PER2: variants seen among roughly 807,000 people sequenced by gnomAD.
PER2 encodes period circadian protein homolog 2.
In PER2, 66 loss-of-function variants were observed where a neutral mutation model predicts 121.0. The observed-to-expected ratio is 0.55, with a 90% confidence interval of 0.45 to 0.67. The LOEUF (loss-of-function observed/expected upper bound fraction) is 0.67. Among genes scored for constraint, PER2 ranks in the 30% least tolerant of loss-of-function variants. The pLI is 0.00. For synonymous variants in PER2, 684 were observed against 659.9 expected (o/e 1.04, Z -0.56); for missense variants, 1,521 against 1,635.0 (o/e 0.93, Z 1.20).
At chr2:238,278,479 G>C (rs1696528541) in intron 1 of PER2, among the ~76,000 whole-genome samples, 1 of 152,184 alleles carries the variant, frequency 6.6e-6, no homozygotes, top group Non-Finnish European at 1.5e-5. Flanking sequence ...GGTTGAATGA[G>C]GCAGCCTCAG....
At chr2:238,256,140 G>A (rs1463675613) in intron 17 of PER2, among the ~76,000 whole-genome samples, 1 of 152,220 alleles carries the variant, frequency 6.6e-6, no homozygotes, top group Non-Finnish European at 1.5e-5. Context: ...CAGGAACCTG[G>A]GGCTGAACAA....
intron 1 of PER2, among the ~76,000 whole-genome samples, chr2:238,281,384 T>A (rs900264517): frequency 2.0e-5 from 3 of 152,184 alleles, no homozygotes; most frequent in Admixed American, 2.0e-4. Flanking sequence ...TGATTGTGGG[T>A]TACATAGCTG....
rs765001703 is a variant in PER2, at chr2:238,256,980, C to A, written c.2007G>T (p.Gln669His). 1 of 1,614,046 alleles carries A rather than the reference C, an allele frequency of 6.2e-7. No individual in the cohort carries two copies. Among genetic ancestry groups the A allele is most frequent in the East Asian group, 2.2e-5 (1 of 44,888 alleles). ...GGACGATGGTGCTGCTGTAGCTGCA[C>A]TGGCTGGTGAGCGACGCCACACTCT... ...KAESVASLTS[Q>H]CSYSSTIVHV... Residue 669 changes from glutamine to histidine, a missense_variant, in exon 17 of 23, where the codon CAG (glutamine) becomes CAT (histidine). Transcript: ENST00000254657.
chr2:238,291,366 C>T (rs55976242), upstream of PER2, among the ~76,000 whole-genome samples: 16,700 of 152,330 alleles, frequency 0.11, 1,216 homozygotes, highest in Admixed American at 0.17. Context: ...ATGCCCTTGC[C>T]AGTCCACTCA....
chr2:238,267,850 G>A (rs1474771206), intron 8 of PER2, among the ~76,000 whole-genome samples: 6 of 152,202 alleles, frequency 3.9e-5, no homozygotes, highest in Non-Finnish European at 5.9e-5. Context: ...CCCAGATGCC[G>A]TGATCTGCCA....
At chr2:238,297,454 G>C in the PER2 span, among the ~76,000 whole-genome samples, 3 of 152,198 alleles carry the variant, frequency 2.0e-5, no homozygotes, top group African/African-American at 4.8e-5. Flanking sequence ...CAGAGAGTGA[G>C]TGAAGACACG....
At chr2:238,278,533 A>G (rs1275741517) in intron 1 of PER2, among the ~76,000 whole-genome samples, 1 of 152,240 alleles carries the variant, frequency 6.6e-6, no homozygotes, top group Non-Finnish European at 1.5e-5. Flanking sequence ...GGCAGACAAG[A>G]GCACTGATAA....
chr2:238,295,954 C>T, the PER2 span: 85 of 246,690 alleles, frequency 3.4e-4, no homozygotes, highest in South Asian at 6.3e-4. Flanking sequence ...AGGGGTGACA[C>T]GTGCTGCTGA....
At chr2:238,260,115 CA>C in intron 13 of PER2, 62 bp from the exon 14 acceptor site, 1 of 745,476 alleles carries the variant, frequency 1.3e-6, no homozygotes, top group Non-Finnish European at 2.4e-6. Flanking sequence ...GTCTGTCCGG[CA>C]AAGTGAGAAC....
chr2:238,277,693 G>A lies in PER2; in HGVS notation c.230+14C>T, dbSNP rs1341395540. The stretch of plus-strand genomic sequence containing the variant: ...AACCTGCCCAGCCTCCATCTGGCCA[G>A]AGGCTGAACTCACCTCTGGCGGGCA... On this transcript the variant is annotated intron_variant, in intron 2 of 22. Coordinates refer to ENST00000254657, the MANE Select transcript of PER2 (RefSeq NM_022817.3). 1 of 1,613,926 alleles carries A rather than the reference G, an allele frequency of 6.2e-7. No individual in the cohort carries two copies. The highest frequency in any genetic ancestry group is 8.5e-7 in the Non-Finnish European group (1 of 1,179,984).
the PER2 span, chr2:238,295,944 A>G: frequency 4.3e-6 from 1 of 233,146 alleles, no homozygotes; most frequent in South Asian, 4.2e-5. Flanking sequence ...TTGCATGATG[A>G]GGGGTGACAC....
Position 238,252,099 on chromosome 2 carries a change from A to C in PER2, c.3112-338T>G, listed in dbSNP as rs921587959. Among the ~76,000 whole-genome samples, 3 of 152,100 alleles carry C rather than the reference A, an allele frequency of 2.0e-5. No individual in the cohort carries two copies. Among genetic ancestry groups the C allele is most frequent in the Non-Finnish European group, 4.4e-5 (3 of 68,008 alleles). On this transcript the variant is annotated intron_variant, in intron 19 of 22. Transcript: ENST00000254657. This position sits in a 1 kb window ranked among gnomAD's most constrained non-coding sequence, Gnocchi z 4.2. ...ACATGCAGCAGACATGGATGGGGAA[A>C]ACGCCTCTCACAGCACCCGGTGTGG...
chr2:238,293,888 T>C (rs1175839973), upstream of PER2, among the ~76,000 whole-genome samples: 1 of 152,190 alleles, frequency 6.6e-6, no homozygotes, highest in African/African-American at 2.4e-5. Flanking sequence ...ACTCTCTGCC[T>C]CAGGAACTTG....
At chr2:238,257,117 G>C in intron 16 of PER2, 31 bp from the exon 17 acceptor site, 1 of 1,602,904 alleles carries the variant, frequency 6.2e-7, no homozygotes. Context: ...ACAAACATTA[G>C]TGTGTCATTA....
intron 18 of PER2, 149 bp downstream of exon 18, chr2:238,255,508 G>T: frequency 1.2e-6 from 1 of 829,406 alleles, no homozygotes; most frequent in Non-Finnish European, 2.1e-6. Flanking sequence ...TACAGAAACA[G>T]ATGGCGTTGC....
At position 238,258,400 on chromosome 2, in the gene PER2, C is replaced by A. The variant is rs751731098; in HGVS notation, c.1776G>T (p.Arg592Ser). Residue 592 changes from arginine to serine, a missense_variant and splice_region_variant, in exon 16 of 23, where the codon AGG (arginine) becomes AGT (serine). By Grantham distance (110) the Arg-to-Ser change is moderately radical. Transcript: ENST00000254657. The stretch of plus-strand genomic sequence containing the variant: ...CAGCCTCATTGCAGCTCTCCAAGTA[C>A]CTGTGTGAAAGGCATGAACCACTGG... ...QQISCLDSVI[R>S]YLESCNEAAT... The A allele has an allele frequency of 6.2e-6, 10 of 1,614,148 alleles. No homozygotes were observed. The highest frequency in any genetic ancestry group is 7.6e-6 in the Non-Finnish European group (9 of 1,180,032).
chr2:238,252,927 C>A lies in PER2; in HGVS notation c.3096G>T (p.Pro1032=). Residue 1032 remains proline (P), a synonymous_variant, in exon 19 of 23, where the codon CCG becomes CCT. Transcript: ENST00000254657. The surrounding 1 kb of genome is among the most constrained non-coding windows in gnomAD (Gnocchi z 4.2). ...CKPGTSRDQQ[P]KAPLTRDEPS... ...AAATCCTTACGGTCAGAGGCGCCTTCGGCTGCTGGTCCCGAGAAGTGCCAG... is the reference window on the plus strand; with the variant it reads ...AAATCCTTACGGTCAGAGGCGCCTTAGGCTGCTGGTCCCGAGAAGTGCCAG... The A allele has an allele frequency of 6.2e-7, 1 of 1,613,526 alleles. No individual in the cohort carries two copies. Among genetic ancestry groups the A allele is most frequent in the Non-Finnish European group, 8.5e-7 (1 of 1,180,018 alleles).
upstream of PER2, among the ~76,000 whole-genome samples, chr2:238,293,591 C>T (rs1393003325): frequency 4.0e-5 from 6 of 151,766 alleles, no homozygotes; most frequent in Non-Finnish European, 5.9e-5. Flanking sequence ...AAAAATTAGC[C>T]GGGCGTGGTG....
At chr2:238,288,091 C>T (rs1696842352) in intron 1 of PER2, among the ~76,000 whole-genome samples, 7 of 152,130 alleles carry the variant, frequency 4.6e-5, no homozygotes, top group Admixed American at 4.6e-4. Context: ...CCAGGAGACC[C>T]GTGGGTGTCC....
Sources: allele counts gnomAD v4.1 joint callset (sites outside exome capture counted in the v4.1 genomes callset), GRCh38; gene constraint gnomAD v4.1.1; non-coding constraint Gnocchi (gnomAD v3.1); transcripts MANE v1.5; gene names NCBI Gene and HGNC (gene_info 2026-07-23, HGNC 2026-07-21).